BBS2: variants seen among roughly 807,000 people sequenced by gnomAD.
The protein encoded by BBS2 is BBSome complex member BBS2.
In BBS2, 62 loss-of-function variants were observed where a neutral mutation model predicts 83.0. The ratio of observed to expected loss-of-function variants is 0.75; its 90% confidence interval spans 0.61 to 0.92. BBS2 has a LOEUF of 0.92. Ranked by LOEUF, BBS2 falls within the 40% of genes least tolerant of loss-of-function variation. BBS2 has a pLI of 0.00. For synonymous variants in BBS2, 303 were observed against 326.1 expected, an observed-to-expected ratio of 0.93 and a Z score of 0.76; for missense variants, 784 against 901.0, an observed-to-expected ratio of 0.87 and a Z score of 1.66.
intron 9 of BBS2, chr16:56,501,734 C>A: frequency 1.8e-6 from 1 of 552,548 alleles, no homozygotes; most frequent in South Asian, 2.2e-5. Context: ...TGTATCCCAT[C>A]ATGACTTTAA....
chr16:56,497,704 T>C (rs1478381584), intron 14 of BBS2, 39 bp downstream of exon 14: 4 of 1,609,346 alleles, frequency 2.5e-6, no homozygotes, highest in Non-Finnish European at 3.4e-6. Context: ...ATTATTAGAC[T>C]ACCACATTCT....
rs768160656 is a variant in BBS2 at position 56,485,633 on chromosome 16, G to C, written c.2016C>G (p.Leu672=). The C allele has an allele frequency of 3.1e-6, 5 of 1,614,118 alleles. No individual in the cohort carries two copies. The Admixed American group carries it at 8.3e-5, about 27-fold the overall frequency. ...TTTGAATTGCTTGATTTACTGCTTT[G>C]AGGTTTCCCAACAGCTCTGTGTGAT... ...CNNHTELLGN[L]KAVNQAIQRA... is the part of the protein sequence containing the mutation. The change falls in exon 16 of 17, where the codon CTC becomes CTG. Residue 672 remains leucine (L), a synonymous_variant. Transcript: ENST00000245157.
In BBS2 at chr16:56,518,974, G is replaced by T. The variant is rs115635967; in HGVS notation, c.117+772C>A. 5.4e-3 allele frequency among the ~76,000 whole-genome samples: 829 copies of T among 152,288 alleles called. 7 individuals are homozygous for T. The highest frequency in any genetic ancestry group is 0.019 in the African/African-American group (784 of 41,562). On this transcript the variant is annotated intron_variant, in intron 1 of 16. Coordinates refer to ENST00000245157, the MANE Select transcript of BBS2 (RefSeq NM_031885.5). Reference sequence around the variant, plus strand: ...AAAGAACTGAATGTACATGGGCAAGGATCAAAAGTGCAATTTGAATAAGTT... The same window carrying T: ...AAAGAACTGAATGTACATGGGCAAGTATCAAAAGTGCAATTTGAATAAGTT...
At chr16:56,486,816 G>C (rs1963793650) in intron 15 of BBS2, among the ~76,000 whole-genome samples, 1 of 145,340 alleles carries the variant, frequency 6.9e-6, no homozygotes, top group Non-Finnish European at 1.5e-5. Context: ...TAGATGGAGT[G>C]CAATGGCACG....
chr16:56,499,966 G>C, intron 11 of BBS2, 59 bp from the exon 12 acceptor site: 2 of 1,604,186 alleles, frequency 1.2e-6, no homozygotes, highest in South Asian at 2.2e-5. Flanking sequence ...CTTTCAAAAT[G>C]CAAGGCCCAG....
intron 17 of BBS2, chr16:56,474,874 C>G (rs560342887): frequency 1.9e-6 from 3 of 1,612,722 alleles, no homozygotes; most frequent in Non-Finnish European, 2.5e-6. Context: ...ATTGGAAGAC[C>G]GGTCACTACA....
Position 56,519,665 on chromosome 16 carries a change from G to A in BBS2, c.117+81C>T, listed in dbSNP as rs540174656. 22 of 1,169,034 alleles carry A rather than the reference G, an allele frequency of 1.9e-5. No homozygotes were observed. In the East Asian group the frequency reaches 4.2e-4, roughly 23 times the overall value. 72.4% of individuals were successfully genotyped at this position (1,169,034 alleles called of 1,614,324 possible). A position where few individuals can be genotyped will look rare whatever the true frequency, so the allele number is the denominator to read the frequency against. ...ACGGGCTGGGGGCGGGGTCGGAGAG[G>A]GGACGGGATCCCAGGGGCGCGGCCG... On this transcript the variant is annotated intron_variant, in intron 1 of 16. Coordinates refer to ENST00000245157, the MANE Select transcript of BBS2 (RefSeq NM_031885.5).
intron 17 of BBS2, chr16:56,477,369 G>GC (rs1316922712): frequency 6.6e-6 from 1 of 152,108 alleles, no homozygotes; most frequent in Non-Finnish European, 1.5e-5. Context: ...ACCATCACAT[G>GC]CCCCAAGAAA....
intron 15 of BBS2, among the ~76,000 whole-genome samples, chr16:56,491,338 T>C (rs543211574): frequency 1.3e-5 from 2 of 152,296 alleles, no homozygotes; most frequent in South Asian, 4.1e-4. Flanking sequence ...TTCTCGCTCA[T>C]GCAGGAATGA....
At chr16:56,470,732 A>G in intron 17 of BBS2, 1 of 1,613,870 alleles carries the variant, frequency 6.2e-7, no homozygotes, top group Admixed American at 1.7e-5. Context: ...ATCAGCAACA[A>G]CAGCCAACAG....
chr16:56,518,705 T>A (rs563822692), intron 1 of BBS2, among the ~76,000 whole-genome samples: 1 of 100,404 alleles, frequency 1.0e-5, no homozygotes, highest in African/African-American at 3.2e-5. Context: ...ACATTCCATG[T>A]ATTTTGGGCA....
At chr16:56,504,614 T>C (rs1273451040) in intron 7 of BBS2, among the ~76,000 whole-genome samples, 1 of 152,190 alleles carries the variant, frequency 6.6e-6, no homozygotes, top group Non-Finnish European at 1.5e-5. Flanking sequence ...TTTTCTTATC[T>C]TTTTCATGCT....
At chr16:56,486,748 C>CTTTTTTTTTTTTTTTTTTTTT (rs1190474419) in intron 15 of BBS2, among the ~76,000 whole-genome samples, 1 of 84,216 alleles carries the variant, frequency 1.2e-5, no homozygotes. Flanking sequence ...CAGAAATATT[C>CTTTTTTTTTTTTTTTTTTTTT]TTTTTTTTTT....
intron 5 of BBS2, among the ~76,000 whole-genome samples, chr16:56,508,232 AAAG>A (rs1475714637): frequency 1.3e-5 from 2 of 152,226 alleles, no homozygotes; most frequent in East Asian, 3.8e-4. Context: ...AGTTAGGAGA[AAAG>A]AAGTCTGACC....
rs1311176453 is a variant in BBS2 at position 56,519,842 on chromosome 16, G to A, written c.21C>T (p.Thr7=). The A allele has an allele frequency of 6.2e-7, 1 of 1,613,800 alleles. No individual in the cohort carries two copies. The highest frequency in any genetic ancestry group is 1.1e-5 in the South Asian group (1 of 91,070). Residue 7 remains threonine, a synonymous_variant, in exon 1 of 17, where the codon ACC becomes ACT. Coordinates refer to ENST00000245157, the MANE Select transcript of BBS2 (RefSeq NM_031885.5). ...GGCTGATTTTGTGGCGCAGTTTCAG[G>A]GTGAACACAGGCAGCAGCATGATGG... MLLPVF[T]LKLRHKISPR... is the part of the protein sequence containing the mutation.
intron 17 of BBS2, chr16:56,474,756 T>C: frequency 1.6e-6 from 2 of 1,258,936 alleles, no homozygotes; most frequent in Non-Finnish European, 2.2e-6. Flanking sequence ...TTCCTAATTA[T>C]GATTCCCTTG....
In BBS2 at chr16:56,496,961, A is replaced by ACTCACATGTCC; in HGVS notation, c.1905_1910+5dup. 1 of 1,603,234 alleles carries ACTCACATGTCC rather than the reference A, an allele frequency of 6.2e-7. No homozygotes were observed. Among genetic ancestry groups the ACTCACATGTCC allele is most frequent in the Non-Finnish European group, 8.5e-7 (1 of 1,170,074 alleles). On this transcript the variant is annotated splice_donor_region_variant and intron_variant, in intron 15 of 16. Coordinates refer to ENST00000245157, the MANE Select transcript of BBS2 (RefSeq NM_031885.5). ...TGCACCTGTACTAACCATGACAAAT[A>ACTCACATGTCC]CTCACATGTCCCTCATCAGACGAGC...
At chr16:56,503,969 T>A (rs1416239768) in intron 7 of BBS2, among the ~76,000 whole-genome samples, 1 of 151,692 alleles carries the variant, frequency 6.6e-6, no homozygotes, top group African/African-American at 2.4e-5. Flanking sequence ...ACAGGTATTA[T>A]CAACAAAAGG....
In BBS2 at chr16:56,519,735, G is replaced by T; in HGVS notation, c.117+11C>A. The T allele has an allele frequency of 3.0e-5, 49 of 1,607,186 alleles. No individual in the cohort carries two copies. Among genetic ancestry groups the T allele is most frequent in the Non-Finnish European group, 4.1e-5 (48 of 1,174,758 alleles). On this transcript the variant is annotated intron_variant, in intron 1 of 16. Coordinates refer to ENST00000245157, the MANE Select transcript of BBS2 (RefSeq NM_031885.5). ...CTGGGGCCCGGGCTCCCTGCGGGTG[G>T]GAGCGGTTACCTTGCCCGTTTGGGT...
Sources: gnomAD v4.1 joint callset for allele counts (sites outside exome capture counted in the v4.1 genomes callset) on GRCh38, gnomAD v4.1.1 for gene constraint, MANE v1.5 for transcripts, NCBI Gene and HGNC (gene_info 2026-07-23, HGNC 2026-07-21) for gene names.